Variants in AFG2A observed in about 807,000 individuals in gnomAD.
AFG2A encodes ATPase family gene 2 protein homolog A.
the AFG2A span, among the ~76,000 whole-genome samples, chr4:123,177,278 C>T: frequency 1.4e-3 from 214 of 151,082 alleles, no homozygotes; most frequent in Non-Finnish European, 1.7e-3. Context: ...CTGCAGCCTC[C>T]GCCTCCCAGG....
the AFG2A span, among the ~76,000 whole-genome samples, chr4:123,044,690 C>T: frequency 3.3e-5 from 5 of 152,070 alleles, no homozygotes; most frequent in South Asian, 2.1e-4. Context: ...ACATCTTTTA[C>T]ATGAACTTTT....
chr4:123,117,662 T>C, the AFG2A span, among the ~76,000 whole-genome samples: 5 of 151,774 alleles, frequency 3.3e-5, no homozygotes, highest in Non-Finnish European at 5.9e-5. Context: ...GTCCATTAAC[T>C]AACTGAATGC....
At chr4:122,950,125 A>G in the AFG2A span, among the ~76,000 whole-genome samples, 1 of 152,206 alleles carries the variant, frequency 6.6e-6, no homozygotes, top group Non-Finnish European at 1.5e-5. Context: ...GGTGATGAGA[A>G]TGTGCATATT....
At chr4:123,051,091 A>G in the AFG2A span, among the ~76,000 whole-genome samples, 1 of 152,012 alleles carries the variant, frequency 6.6e-6, no homozygotes, top group Non-Finnish European at 1.5e-5. Flanking sequence ...TTTACATTCA[A>G]TTTTAATATT....
chr4:123,195,502 GA>G, the AFG2A span, among the ~76,000 whole-genome samples: 35 of 152,244 alleles, frequency 2.3e-4, no homozygotes, highest in African/African-American at 8.2e-4. Flanking sequence ...AATGGTTGTA[GA>G]AAAAGGGATT....
the AFG2A span, among the ~76,000 whole-genome samples, chr4:122,981,805 A>G: frequency 6.6e-6 from 1 of 151,068 alleles, no homozygotes; most frequent in Admixed American, 6.6e-5. Context: ...AATTTTTTGG[A>G]TAGTTGTTAG....
chr4:122,930,027 A>C, the AFG2A span, among the ~76,000 whole-genome samples: 2 of 152,212 alleles, frequency 1.3e-5, no homozygotes, highest in South Asian at 2.1e-4. Context: ...AGGGCTTCTT[A>C]TTTTACAGTT....
the AFG2A span, among the ~76,000 whole-genome samples, chr4:123,248,705 C>A: frequency 6.6e-6 from 1 of 152,108 alleles, no homozygotes; most frequent in Non-Finnish European, 1.5e-5. Context: ...TGCTGAATAT[C>A]AATTCTTTTT....
chr4:123,150,972 A>G, the AFG2A span, among the ~76,000 whole-genome samples: 1 of 152,200 alleles, frequency 6.6e-6, no homozygotes, highest in Non-Finnish European at 1.5e-5. Context: ...CCACACATCT[A>G]CAATCACCTG....
At chr4:122,923,266 A>G in the AFG2A span, 84 of 1,613,858 alleles carry the variant, frequency 5.2e-5, no homozygotes, top group Non-Finnish European at 6.9e-5. Context: ...CTTCGCGGCA[A>G]CCTCCGGGAC....
At chr4:122,947,421 G>T in the AFG2A span, 1 of 1,614,146 alleles carries the variant, frequency 6.2e-7, no homozygotes, top group African/African-American at 1.3e-5. Context: ...AGGCTGAGCT[G>T]CTGCAGCTGG....
the AFG2A span, among the ~76,000 whole-genome samples, chr4:123,280,873 TTCTG>T: frequency 6.6e-6 from 1 of 152,162 alleles, no homozygotes; most frequent in Non-Finnish European, 1.5e-5. Context: ...TGGGGCATTA[TTCTG>T]TCTACCACAA....
the AFG2A span, among the ~76,000 whole-genome samples, chr4:123,094,930 A>G: frequency 2.0e-5 from 3 of 150,664 alleles, no homozygotes; most frequent in Non-Finnish European, 4.4e-5. Flanking sequence ...GACCTGTCCT[A>G]CACCATCTCC....
At chr4:123,083,325 G>A in the AFG2A span, among the ~76,000 whole-genome samples, 9 of 151,978 alleles carry the variant, frequency 5.9e-5, no homozygotes, top group Admixed American at 3.9e-4. Context: ...TTGCTGAGAG[G>A]TGTTTTTTTG....
At chr4:123,284,133 T>G in the AFG2A span, among the ~76,000 whole-genome samples, 1 of 152,206 alleles carries the variant, frequency 6.6e-6, no homozygotes, top group East Asian at 1.9e-4. Context: ...TGCCTTTATA[T>G]AGAATGTCTG....
the AFG2A span, among the ~76,000 whole-genome samples, chr4:123,092,663 A>G: frequency 2.0e-5 from 3 of 152,224 alleles, no homozygotes; most frequent in African/African-American, 4.8e-5. Context: ...GATTTAAACT[A>G]AAGACTGAAA....
At chr4:123,057,741 T>C in the AFG2A span, among the ~76,000 whole-genome samples, 1 of 152,206 alleles carries the variant, frequency 6.6e-6, no homozygotes, top group African/African-American at 2.4e-5. Flanking sequence ...TAAATTAGTA[T>C]TAATAGTTTT....
chr4:123,044,287 A>G, the AFG2A span, among the ~76,000 whole-genome samples: 1 of 152,126 alleles, frequency 6.6e-6, no homozygotes, highest in South Asian at 2.1e-4. Context: ...TTGTGCTGTT[A>G]ATCATTTATC....
the AFG2A span, among the ~76,000 whole-genome samples, chr4:123,226,023 G>A: frequency 1.3e-5 from 2 of 152,064 alleles, no homozygotes; most frequent in East Asian, 1.9e-4. Flanking sequence ...GTCTGTTATT[G>A]GTGTATAAGA....
Sources: gnomAD v4.1 joint callset for allele counts (sites outside exome capture counted in the v4.1 genomes callset) on GRCh38, gnomAD v4.1.1 for gene constraint, MANE v1.5 for transcripts, NCBI Gene and HGNC (gene_info 2026-07-23, HGNC 2026-07-21) for gene names.